Variants in PRORP observed in about 807,000 individuals in gnomAD.
PRORP encodes protein only RNase P catalytic subunit.
A neutral mutation model predicts 59.4 loss-of-function variants in PRORP; 51 were observed. The observed-to-expected ratio is 0.86, with a 90% confidence interval of 0.69 to 1.08. PRORP has a LOEUF of 1.08. PRORP is among the 50% of genes least tolerant of loss of function. PRORP has a pLI of 0.00. For missense variants in PRORP, 646 were observed against 690.3 expected, an observed-to-expected ratio of 0.94 and a Z score of 0.72; for synonymous variants, 231 against 245.6, an observed-to-expected ratio of 0.94 and a Z score of 0.55.
rs940358059 is a variant in PRORP at position 35,123,225 on chromosome 14, T to A, written c.-21T>A. The A allele has an allele frequency of 6.3e-7, 1 of 1,593,092 alleles. No homozygotes were observed. Among genetic ancestry groups the A allele is most frequent in the Non-Finnish European group, 8.5e-7 (1 of 1,170,882 alleles). ...TTTTTTCAACATCTCTCTCACTATC[T>A]GGTGCTGATCTCACTGCATAATGAC... On this transcript the variant is annotated 5_prime_UTR_variant, in exon 2 of 8. Coordinates refer to ENST00000534898, the MANE Select transcript of PRORP (RefSeq NM_014672.4).
chr14:35,148,036 A>G (rs2047653223), intron 4 of PRORP, among the ~76,000 whole-genome samples: 1 of 152,196 alleles, frequency 6.6e-6, no homozygotes, highest in Non-Finnish European at 1.5e-5. Context: ...TCCTTCTTCC[A>G]CTGAAATTTT....
intron 4 of PRORP, among the ~76,000 whole-genome samples, chr14:35,170,433 C>G (rs1277915496): frequency 6.6e-6 from 1 of 151,910 alleles, no homozygotes; most frequent in Non-Finnish European, 1.5e-5. Flanking sequence ...GCCTACAGAT[C>G]TACATTATTT....
At position 35,192,909 on chromosome 14, in the gene PRORP, G is replaced by A. The variant is rs559724350; in HGVS notation, c.1275+12132G>A. ...CTAGGGAGACTGAGGCAGGAGAATC[G>A]CTTGAACCCGGGAGCCAGAGGTTGA... On this transcript the variant is annotated intron_variant, in intron 5 of 7. Coordinates refer to ENST00000534898, the MANE Select transcript of PRORP (RefSeq NM_014672.4). 6.6e-5 allele frequency among the ~76,000 whole-genome samples: 10 copies of A among 151,714 alleles called. 1 individual carries two copies. In the South Asian group the frequency reaches 1.9e-3, roughly 28 times the overall value.
chr14:35,253,351 GAGAGAGAAAGAAAGAAAGAAAGAAAAGAA>G (rs2050661614), intron 5 of PRORP, among the ~76,000 whole-genome samples: 1 of 143,964 alleles, frequency 6.9e-6, no homozygotes. Flanking sequence ...AAAAGAGAGA[GAGAGAGAAAGAAAGAAAGAAAGAAAAGAA>G]AGAAAGAAAA....
chr14:35,152,109 T>C, intron 4 of PRORP, among the ~76,000 whole-genome samples: 1 of 152,264 alleles, frequency 6.6e-6, no homozygotes, highest in Non-Finnish European at 1.5e-5. Flanking sequence ...CCCTGGGTAC[T>C]TGAGATTAGG....
At chr14:35,235,306 C>T in intron 5 of PRORP, 1 of 691,038 alleles carries the variant, frequency 1.4e-6, no homozygotes, top group Admixed American at 1.8e-5. Context: ...TGTAATTGGT[C>T]CTGATAGCTT....
intron 4 of PRORP, among the ~76,000 whole-genome samples, chr14:35,132,611 C>G (rs2047273441): frequency 6.6e-6 from 1 of 151,700 alleles, no homozygotes; most frequent in South Asian, 2.1e-4. Context: ...ATGGTGAAAC[C>G]CTGTCTCTAC....
intron 4 of PRORP, among the ~76,000 whole-genome samples, chr14:35,142,343 CTTTTTTTT>C (rs576082267): frequency 8.6e-6 from 1 of 116,738 alleles, no homozygotes; most frequent in Non-Finnish European, 1.8e-5. Context: ...AAATTCATTG[CTTTTTTTT>C]TTTTTTTTTT....
intron 5 of PRORP, among the ~76,000 whole-genome samples, chr14:35,225,158 G>C (rs910802490): frequency 2.0e-5 from 3 of 151,802 alleles, no homozygotes; most frequent in African/African-American, 7.3e-5. Flanking sequence ...CTTTATTATA[G>C]TTAATATAGT....
intron 4 of PRORP, among the ~76,000 whole-genome samples, chr14:35,163,267 A>T (rs1019550109): frequency 6.6e-6 from 1 of 152,040 alleles, no homozygotes; most frequent in African/African-American, 2.4e-5. Context: ...ATACATTTAT[A>T]AATGAAAAAA....
chr14:35,168,855 AT>A (rs2048247144), intron 4 of PRORP, among the ~76,000 whole-genome samples: 1 of 151,978 alleles, frequency 6.6e-6, no homozygotes, highest in Non-Finnish European at 1.5e-5. Context: ...TTCTTCTAGA[AT>A]TTTCATAGTT....
At chr14:35,238,725 G>C (rs966478895) in intron 5 of PRORP, among the ~76,000 whole-genome samples, 1 of 152,126 alleles carries the variant, frequency 6.6e-6, no homozygotes, top group Non-Finnish European at 1.5e-5. Flanking sequence ...GCCATTCTAA[G>C]TTAACACGTC....
At chr14:35,186,946 A>G (rs1422022002) in intron 5 of PRORP, among the ~76,000 whole-genome samples, 1 of 152,064 alleles carries the variant, frequency 6.6e-6, no homozygotes, top group Non-Finnish European at 1.5e-5. Flanking sequence ...TTCACTTAGC[A>G]TAGTGTTTCA....
intron 5 of PRORP, among the ~76,000 whole-genome samples, chr14:35,263,910 G>C (rs1221975446): frequency 6.6e-6 from 1 of 151,894 alleles, no homozygotes. Context: ...TTACCTGCTT[G>C]AGTGTTAGCT....
At chr14:35,161,366 G>A (rs1206476461) in intron 4 of PRORP, among the ~76,000 whole-genome samples, 1 of 152,140 alleles carries the variant, frequency 6.6e-6, no homozygotes, top group African/African-American at 2.4e-5. Context: ...CGGTGAAGGG[G>A]CTTAAATTTT....
At chr14:35,219,331 G>T (rs1433337083) in intron 5 of PRORP, 1 of 152,204 alleles carries the variant, frequency 6.6e-6, no homozygotes, top group Non-Finnish European at 1.5e-5. Flanking sequence ...GTGGAAACAT[G>T]CCCACCTCAG....
intron 5 of PRORP, among the ~76,000 whole-genome samples, chr14:35,239,350 G>GAA (rs771211660): frequency 4.2e-5 from 5 of 118,044 alleles, no homozygotes; most frequent in Non-Finnish European, 3.5e-5. Flanking sequence ...TCCGTCTCAA[G>GAA]AAAAAAAAAA....
At chr14:35,184,521 TA>T (rs2048696105) in intron 5 of PRORP, among the ~76,000 whole-genome samples, 1 of 152,204 alleles carries the variant, frequency 6.6e-6, no homozygotes, top group South Asian at 2.1e-4. Flanking sequence ...AAATCTTTTT[TA>T]AAAAACTTTT....
At chr14:35,146,922 T>C (rs2047626090) in intron 4 of PRORP, among the ~76,000 whole-genome samples, 1 of 152,054 alleles carries the variant, frequency 6.6e-6, no homozygotes, top group Non-Finnish European at 1.5e-5. Flanking sequence ...TGAGATCCCA[T>C]CTCTACAAAA....
Sources: allele counts gnomAD v4.1 joint callset (sites outside exome capture counted in the v4.1 genomes callset), GRCh38; gene constraint gnomAD v4.1.1; transcripts MANE v1.5; gene names NCBI Gene and HGNC (gene_info 2026-07-23, HGNC 2026-07-21).